The following TUBGCP4 variants were observed in gnomAD, a reference collection of about 807,000 sequenced individuals.
TUBGCP4 encodes the protein tubulin gamma complex component 4.
In TUBGCP4, 54 loss-of-function variants were observed where a neutral mutation model predicts 91.6. The observed-to-expected ratio is 0.59, with a 90% CI of 0.47 to 0.74. The LOEUF (loss-of-function observed/expected upper bound fraction) is 0.74. Ranked by LOEUF, TUBGCP4 falls within the 30% of genes least tolerant of loss-of-function variation. The pLI, the probability that TUBGCP4 is intolerant of heterozygous loss-of-function variation, is 0.00. For synonymous variants in TUBGCP4, 297 were observed against 302.8 expected, an observed-to-expected ratio of 0.98 and a Z score of 0.20; for missense variants, 593 against 800.9, an observed-to-expected ratio of 0.74 and a Z score of 3.13.
intron 12 of TUBGCP4, 27 bp from the exon 13 acceptor site, chr15:43,398,014 T>C (rs1418140459): frequency 6.3e-7 from 1 of 1,589,652 alleles, no homozygotes; most frequent in Non-Finnish European, 8.5e-7. Flanking sequence ...TTATCTTTTC[T>C]TTTTTTCTTT....
Position 43,376,150 on chromosome 15 carries a change from G to A in TUBGCP4, c.131G>A (p.Arg44Gln), listed in dbSNP as rs2044201265. The change falls in exon 2 of 18, where the codon CGA (arginine) becomes CAA (glutamine). Residue 44 changes from arginine to glutamine, a missense_variant. Coordinates refer to ENST00000564079, the MANE Select transcript of TUBGCP4 (RefSeq NM_014444.5). The stretch of plus-strand genomic sequence containing the variant: ...CCCAGTGAGACCAGTGTCCTGAATC[G>A]ACTCTGCCGGCTCGGCACAGACTAT... Reference protein sequence around the residue: ...LHPSETSVLNRLCRLGTDYIR... With the variant: ...LHPSETSVLNQLCRLGTDYIR... 2.5e-6 allele frequency: 4 copies of A among 1,613,926 alleles called. No homozygotes were observed. The highest frequency in any genetic ancestry group is 3.4e-6 in the Non-Finnish European group (4 of 1,180,016).
chr15:43,374,358 C>T (rs1023865724), intron 1 of TUBGCP4, among the ~76,000 whole-genome samples: 2 of 152,102 alleles, frequency 1.3e-5, no homozygotes, highest in African/African-American at 2.4e-5. Context: ...CTTGTGATCT[C>T]AGCACTTTGG....
intron 11 of TUBGCP4, among the ~76,000 whole-genome samples, chr15:43,396,044 A>G (rs1353441118): frequency 1.3e-5 from 2 of 152,208 alleles, no homozygotes; most frequent in African/African-American, 2.4e-5. Context: ...GAACTAGCCT[A>G]GTTAGGAAAG....
Position 43,400,168 on chromosome 15 carries a change from C to A in TUBGCP4, c.1543C>A (p.Arg515Ser). Residue 515 changes from arginine (R) to serine (S), a missense_variant, in exon 14 of 18, where the codon CGC becomes AGC. By Grantham distance (110) the Arg-to-Ser change is moderately radical. Coordinates refer to ENST00000564079, the MANE Select transcript of TUBGCP4 (RefSeq NM_014444.5). ...GAACCAGACTGATGCAATCAAGTGG[C>A]GCCTAAGAAATCACATGGCATTTTT... is the stretch of plus-strand genomic sequence containing the variant. ...KSNQTDAIKW[R>S]LRNHMAFLVD... The A allele has an allele frequency of 6.2e-7, 1 of 1,614,134 alleles. No homozygotes were observed. The highest frequency in any genetic ancestry group is 8.5e-7 in the Non-Finnish European group (1 of 1,180,034).
rs757333506 is a variant in TUBGCP4, at chr15:43,383,307, C to CTGGCCG, written c.528_533dup (p.Ala177_Val178dup). 1 of 1,612,496 alleles carries CTGGCCG rather than the reference C, an allele frequency of 6.2e-7. No individual in the cohort carries two copies. Among genetic ancestry groups the CTGGCCG allele is most frequent in the South Asian group, 1.1e-5 (1 of 90,792 alleles). Reference sequence around the variant, plus strand: ...CTTACTTTCTACTCTGCCCAGAATCCTGGCCGTTTGTCATGGGGTCATGTA... The same window carrying CTGGCCG: ...CTTACTTTCTACTCTGCCCAGAATCCTGGCCGTGGCCGTTTGTCATGGGGTCATGTA... On this transcript the variant is annotated inframe_insertion, in exon 7 of 18. Coordinates refer to ENST00000564079, the MANE Select transcript of TUBGCP4 (RefSeq NM_014444.5).
At chr15:43,377,169 G>T (rs2044218604) in intron 4 of TUBGCP4, 102 bp downstream of exon 4, 1 of 947,352 alleles carries the variant, frequency 1.1e-6, no homozygotes, top group Admixed American at 2.0e-5. Flanking sequence ...TCTGGATTCA[G>T]AGCCTAACAT....
Position 43,407,484 on chromosome 15 carries a change from G to A in TUBGCP4, c.*2270G>A. Reference sequence around the variant, plus strand: ...ATCACCCACTCTTGTGACACCACAGGCAGCTGCAATGCTTCAGCACACTTC... The same window carrying A: ...ATCACCCACTCTTGTGACACCACAGACAGCTGCAATGCTTCAGCACACTTC... On this transcript the variant is annotated 3_prime_UTR_variant, in exon 18 of 18. Coordinates refer to ENST00000564079, the MANE Select transcript of TUBGCP4 (RefSeq NM_014444.5). 6.2e-7 allele frequency: 1 copy of A among 1,614,168 alleles called. No homozygotes were observed. The highest frequency in any genetic ancestry group is 8.5e-7 in the Non-Finnish European group (1 of 1,180,024).
intron 12 of TUBGCP4, 32 bp downstream of exon 12, chr15:43,397,353 C>G (rs1335377358): frequency 6.7e-7 from 1 of 1,486,670 alleles, no homozygotes; most frequent in Non-Finnish European, 9.4e-7. Context: ...CCTTAGAGTT[C>G]CTGCTGGTCA....
intron 16 of TUBGCP4, 41 bp from the exon 17 acceptor site, chr15:43,404,372 T>C (rs1291888412): frequency 6.2e-7 from 1 of 1,611,358 alleles, no homozygotes; most frequent in African/African-American, 1.3e-5. Flanking sequence ...GGAGAGTTGG[T>C]GAGCTGAAGT....
chr15:43,393,547 T>C lies in TUBGCP4; in HGVS notation c.1015-1560T>C, dbSNP rs143544418. On this transcript the variant is annotated intron_variant, in intron 9 of 17. Coordinates refer to ENST00000564079, the MANE Select transcript of TUBGCP4 (RefSeq NM_014444.5). ...TGCCATGTTGGTGTGCTGCACCCAT[T>C]AACTCGTTATTTAGCATTAGGTATA... Among the ~76,000 whole-genome samples the C allele has an allele frequency of 2.6e-3, 394 of 152,182 alleles. 2 individuals carry two copies. The East Asian group carries it at 0.036, about 14-fold the overall frequency.
chr15:43,384,799 T>G (rs951537757), intron 7 of TUBGCP4, among the ~76,000 whole-genome samples: 7 of 152,194 alleles, frequency 4.6e-5, no homozygotes, highest in Non-Finnish European at 1.0e-4. Flanking sequence ...CTCTGGATGC[T>G]GTGTGGGGAA....
chr15:43,386,092 T>G, intron 8 of TUBGCP4, 114 bp from the exon 9 acceptor site: 1 of 1,524,948 alleles, frequency 6.6e-7, no homozygotes, highest in East Asian at 2.3e-5. Flanking sequence ...AATCATGACG[T>G]TTGTCTGAGA....
At chr15:43,373,034 A>G (rs2044148508) in intron 1 of TUBGCP4, among the ~76,000 whole-genome samples, 1 of 152,224 alleles carries the variant, frequency 6.6e-6, no homozygotes, top group Non-Finnish European at 1.5e-5. Context: ...ATTTCTGCAG[A>G]GCAGTGTCTT....
At chr15:43,386,725 C>CAAAAAAA (rs10718458) in intron 9 of TUBGCP4, among the ~76,000 whole-genome samples, 4 of 67,012 alleles carry the variant, frequency 6.0e-5, no homozygotes, top group African/African-American at 1.7e-4. Flanking sequence ...ACTCTGTCTC[C>CAAAAAAA]AAAAAAAAAA....
rs141165201 is a variant in TUBGCP4 at position 43,407,552 on chromosome 15, A to T, written c.*2338A>T. 4 of 1,613,886 alleles carry T rather than the reference A, an allele frequency of 2.5e-6. No homozygotes were observed. The highest frequency in any genetic ancestry group is 3.4e-6 in the Non-Finnish European group (4 of 1,179,870). Reference sequence around the variant, plus strand: ...TGAGGGGTCCGTCACCACCACATCAAATACCCCTAAAGCAATATCTGCAAG... The same window carrying T: ...TGAGGGGTCCGTCACCACCACATCATATACCCCTAAAGCAATATCTGCAAG... On this transcript the variant is annotated 3_prime_UTR_variant, in exon 18 of 18. Coordinates refer to ENST00000564079, the MANE Select transcript of TUBGCP4 (RefSeq NM_014444.5).
intron 9 of TUBGCP4, among the ~76,000 whole-genome samples, chr15:43,392,114 ACACACAT>A (rs1173656061): frequency 6.7e-6 from 1 of 149,142 alleles, no homozygotes; most frequent in Non-Finnish European, 1.5e-5. Context: ...ACACACACAC[ACACACAT>A]ATTTTTTTTT....
At chr15:43,404,362 GGA>G (rs748163227) in intron 16 of TUBGCP4, 49 bp from the exon 17 acceptor site, 1 of 1,609,216 alleles carries the variant, frequency 6.2e-7, no homozygotes, top group East Asian at 2.2e-5. Flanking sequence ...TCCTCCATAT[GGA>G]GAGTTGGTGA....
In TUBGCP4 at chr15:43,406,597, A is replaced by C. The variant is rs2044895279; in HGVS notation, c.*1383A>C. On this transcript the variant is annotated 3_prime_UTR_variant, in exon 18 of 18. Coordinates refer to ENST00000564079, the MANE Select transcript of TUBGCP4 (RefSeq NM_014444.5). The stretch of plus-strand genomic sequence containing the variant: ...TGAAATATTTACTCTTTGACCCTTT[A>C]CAGAAAAAAACCTTGTTGACCCCTG... The C allele has an allele frequency of 2.2e-6, 1 of 455,960 alleles. No individual in the cohort carries two copies. The highest frequency in any genetic ancestry group is 4.4e-6 in the Non-Finnish European group (1 of 226,800). The allele number at this position is 455,960 out of a possible 1,614,324, so 28.2% of individuals were successfully genotyped here.
intron 9 of TUBGCP4, among the ~76,000 whole-genome samples, chr15:43,393,602 C>T (rs1319433603): frequency 6.6e-6 from 1 of 151,982 alleles, no homozygotes; most frequent in African/African-American, 2.4e-5. Context: ...CCCGGTCCCC[C>T]CACCCTACAA....
Sources: allele counts gnomAD v4.1 joint callset (sites outside exome capture counted in the v4.1 genomes callset), GRCh38; gene constraint gnomAD v4.1.1; transcripts MANE v1.5; gene names NCBI Gene and HGNC (gene_info 2026-07-23, HGNC 2026-07-21).